EIF2AK3: variants seen among roughly 807,000 people sequenced by gnomAD.
EIF2AK3 encodes eukaryotic translation initiation factor 2 alpha kinase 3, also known as eukaryotic translation initiation factor 2-alpha kinase 3.
In EIF2AK3, 50 loss-of-function variants were observed where a neutral mutation model predicts 113.5. The observed-to-expected ratio is 0.44, with a 90% CI of 0.35 to 0.56. EIF2AK3 has a LOEUF of 0.56. Ranked by LOEUF, EIF2AK3 falls within the 20% of genes least tolerant of loss-of-function variation. The pLI is 0.00. For missense variants in EIF2AK3, 1,185 were observed against 1,378.0 expected (o/e 0.86, Z 2.22); for synonymous variants, 448 against 495.4 (o/e 0.90, Z 1.27).
At chr2:88,572,870 A>T (rs1178487567) in intron 13 of EIF2AK3, among the ~76,000 whole-genome samples, 2 of 152,210 alleles carry the variant, frequency 1.3e-5, no homozygotes, top group Admixed American at 6.5e-5. Context: ...GAGAATAATG[A>T]AGAAGGACCA....
chr2:88,625,090 T>C (rs1675825595), intron 1 of EIF2AK3, among the ~76,000 whole-genome samples: 2 of 152,338 alleles, frequency 1.3e-5, no homozygotes, highest in South Asian at 4.2e-4. Flanking sequence ...ACGGTGATCT[T>C]GTTAAAATGC....
chr2:88,603,427 T>C (rs145183663), intron 2 of EIF2AK3, among the ~76,000 whole-genome samples: 53 of 152,352 alleles, frequency 3.5e-4, no homozygotes, highest in Non-Finnish European at 5.7e-4. Flanking sequence ...GGAAAGGGTT[T>C]TCTGATGTTC....
At chr2:88,565,042 T>TG in intron 14 of EIF2AK3, among the ~76,000 whole-genome samples, 1 of 151,850 alleles carries the variant, frequency 6.6e-6, no homozygotes, top group East Asian at 1.9e-4. Context: ...AAAGGTGTTT[T>TG]TTTTTTTTTT....
intron 13 of EIF2AK3, among the ~76,000 whole-genome samples, chr2:88,573,017 G>A (rs1314617914): frequency 3.3e-5 from 5 of 151,966 alleles, no homozygotes; most frequent in Non-Finnish European, 1.5e-5. Context: ...ATAACAGGGG[G>A]AGAGGGCCTA....
intron 13 of EIF2AK3, 36 bp downstream of exon 13, chr2:88,574,630 T>G (rs755624334): frequency 4.3e-6 from 7 of 1,611,494 alleles, no homozygotes; most frequent in Non-Finnish European, 5.9e-6. Flanking sequence ...AAACGTCAGA[T>G]TGAAACCCCA....
rs757139632 is a variant in EIF2AK3 at position 88,574,987 on chromosome 2, A to G, written c.2496T>C (p.His832=). ...TGAAAGCAGTTAGTTTATTAGCACA[A>G]TGGTTGCCAATATGCAATCGATTAG... ...PKTNRLHIGN[H]CANKLTAFKP... is the part of the protein sequence containing the mutation. Residue 832 remains histidine, a synonymous_variant, in exon 13 of 17, where the codon CAT becomes CAC. Coordinates refer to ENST00000303236, the MANE Select transcript of EIF2AK3 (RefSeq NM_004836.7). 8 of 1,614,192 alleles carry G rather than the reference A, an allele frequency of 5.0e-6. No homozygotes were observed. Among genetic ancestry groups the G allele is most frequent in the East Asian group, 2.2e-5 (1 of 44,880 alleles).
chr2:88,613,332 A>AT (rs1292110663), intron 2 of EIF2AK3, among the ~76,000 whole-genome samples: 1 of 152,186 alleles, frequency 6.6e-6, no homozygotes, highest in East Asian at 1.9e-4. Flanking sequence ...AATTTATGGG[A>AT]TTTTGCAGCA....
intron 14 of EIF2AK3, among the ~76,000 whole-genome samples, chr2:88,564,223 A>G (rs1344058600): frequency 7.9e-5 from 12 of 152,230 alleles, no homozygotes; most frequent in Non-Finnish European, 5.9e-5. Flanking sequence ...TATTTCAAGG[A>G]TGAGAAAATT....
intron 2 of EIF2AK3, among the ~76,000 whole-genome samples, chr2:88,609,448 T>C (rs1338646548): frequency 6.6e-6 from 1 of 152,190 alleles, no homozygotes; most frequent in East Asian, 1.9e-4. Context: ...GTCATACACC[T>C]GAACTAAAGG....
At chr2:88,596,298 T>C (rs953835091) in intron 2 of EIF2AK3, among the ~76,000 whole-genome samples, 1 of 152,140 alleles carries the variant, frequency 6.6e-6, no homozygotes, top group Non-Finnish European at 1.5e-5. Flanking sequence ...CCCTCCCTTC[T>C]TTTAACAATG....
intron 12 of EIF2AK3, chr2:88,575,696 C>T: frequency 2.0e-6 from 1 of 496,502 alleles, no homozygotes; most frequent in East Asian, 3.9e-5. Flanking sequence ...CTGTCTGGGG[C>T]TGCCAGAGCA....
chr2:88,573,480 C>T (rs1297116944), intron 13 of EIF2AK3, among the ~76,000 whole-genome samples: 2 of 152,078 alleles, frequency 1.3e-5, no homozygotes, highest in Non-Finnish European at 2.9e-5. Flanking sequence ...ATATTCAAAC[C>T]TAACTGCTAG....
chr2:88,612,493 A>G (rs913490717), intron 2 of EIF2AK3, among the ~76,000 whole-genome samples: 1 of 152,250 alleles, frequency 6.6e-6, no homozygotes, highest in African/African-American at 2.4e-5. Context: ...TTAATAATTC[A>G]TAATACAATA....
At chr2:88,627,622 T>C (rs1025006562), upstream of EIF2AK3, 1 of 252,004 alleles carries the variant, frequency 4.0e-6, no homozygotes. Context: ...AATTTCGTCG[T>C]TCGAGGCCCG....
At chr2:88,575,623 T>A in intron 12 of EIF2AK3, 177 bp from the exon 13 acceptor site, 2 of 704,788 alleles carry the variant, frequency 2.8e-6, no homozygotes, top group Non-Finnish European at 4.8e-6. Context: ...TCACATTCCA[T>A]TCATTCCTTC....
intron 2 of EIF2AK3, among the ~76,000 whole-genome samples, chr2:88,606,282 C>G (rs541182569): frequency 6.7e-6 from 1 of 149,240 alleles, no homozygotes; most frequent in East Asian, 1.9e-4. Flanking sequence ...AAACAATGTA[C>G]ATGAAGAGTC....
At chr2:88,619,577 C>CA (rs2103978561) in intron 1 of EIF2AK3, among the ~76,000 whole-genome samples, 1 of 152,280 alleles carries the variant, frequency 6.6e-6, no homozygotes, top group African/African-American at 2.4e-5. Context: ...ACATTTAAAT[C>CA]AGACATCAAC....
chr2:88,561,302 C>T (rs1157467494), intron 15 of EIF2AK3, among the ~76,000 whole-genome samples: 1 of 150,472 alleles, frequency 6.6e-6, no homozygotes, highest in East Asian at 2.0e-4. Flanking sequence ...CACTCTGTCA[C>T]CCAGGCTGGA....
At chr2:88,565,039 T>C (rs971780420) in intron 14 of EIF2AK3, among the ~76,000 whole-genome samples, 3 of 131,324 alleles carry the variant, frequency 2.3e-5, no homozygotes, top group Admixed American at 1.5e-4. Flanking sequence ...TAAAAAGGTG[T>C]TTTTTTTTTT....
Sources: allele counts gnomAD v4.1 joint callset (sites outside exome capture counted in the v4.1 genomes callset), GRCh38; gene constraint gnomAD v4.1.1; transcripts MANE v1.5; gene names NCBI Gene and HGNC (gene_info 2026-07-23, HGNC 2026-07-21).